MYH1: variants seen among roughly 807,000 people sequenced by gnomAD.
MYH1 encodes the protein myosin heavy chain 1.
A neutral mutation model predicts 225.6 loss-of-function variants in MYH1; 214 were observed. The ratio of observed to expected loss-of-function variants is 0.95; its 90% confidence interval spans 0.85 to 1.06. The LOEUF (loss-of-function observed/expected upper bound fraction) is 1.06, where lower values mean the gene tolerates loss of function less well. Among genes scored for constraint, MYH1 ranks in the 50% least tolerant of loss-of-function variants. The pLI is 0.00. For synonymous variants in MYH1, 774 were observed against 842.3 expected (o/e 0.92, Z 1.40); for missense variants, 2,098 against 2,344.2 (o/e 0.89, Z 2.17).
chr17:10,499,437 T>C lies in MYH1; in HGVS notation c.3866-345A>G, dbSNP rs80352653. 3.2e-3 allele frequency among the ~76,000 whole-genome samples: 485 copies of C among 152,326 alleles called. 2 individuals are homozygous for C. The highest frequency in any genetic ancestry group is 4.1e-3 in the Non-Finnish European group (281 of 68,034). ...TATTTTATGTAAGGCAGTAGTGTTG[T>C]CTAATTTGCCTTCCATTGAAAGTTG... On this transcript the variant is annotated intron_variant, in intron 28 of 39. Transcript: ENST00000226207.
chr17:10,493,243 A>G (rs1163108642), intron 39 of MYH1, among the ~76,000 whole-genome samples: 6 of 152,190 alleles, frequency 3.9e-5, no homozygotes, highest in Non-Finnish European at 8.8e-5. Flanking sequence ...CAGATGAGGA[A>G]AGTAGGAACT....
Position 10,516,424 on chromosome 17 carries a change from G to C in MYH1, c.204+15C>G, listed in dbSNP as rs892980064. 4.3e-6 allele frequency: 7 copies of C among 1,614,212 alleles called. No individual in the cohort carries two copies. The highest frequency in any genetic ancestry group is 5.9e-6 in the Non-Finnish European group (7 of 1,180,048). On this transcript the variant is annotated intron_variant, in intron 3 of 39. Transcript: ENST00000226207. ...ATGAGGCAGAGTCTAATCAGCTCCA[G>C]GTGTTTTTACTCACAGCTCCAGCTT...
intron 16 of MYH1, 70 bp downstream of exon 16, chr17:10,508,293 A>G: frequency 6.7e-7 from 1 of 1,498,344 alleles, no homozygotes; most frequent in East Asian, 2.3e-5. Flanking sequence ...TGCTGGGATT[A>G]CAGGCACCGT....
At chr17:10,498,878 C>T (rs1354834516) in intron 29 of MYH1, 56 bp from the exon 30 acceptor site, 2 of 1,608,168 alleles carry the variant, frequency 1.2e-6, no homozygotes, top group Non-Finnish European at 1.7e-6. Flanking sequence ...ATGTTTGATT[C>T]CTGATCTCCT....
chr17:10,505,985 C>T (rs1246204124), intron 18 of MYH1, 27 bp downstream of exon 18: 1 of 1,613,998 alleles, frequency 6.2e-7, no homozygotes, highest in African/African-American at 1.3e-5. Flanking sequence ...CACACTGGAG[C>T]TTGTCTGGAT....
chr17:10,511,363 C>A (rs2073168622), intron 14 of MYH1, among the ~76,000 whole-genome samples: 1 of 152,094 alleles, frequency 6.6e-6, no homozygotes, highest in Admixed American at 6.6e-5. Context: ...CAAACAGAAT[C>A]TCAAAGTCTT....
rs1176738984 is a variant in MYH1 at position 10,508,472 on chromosome 17, C to A, written c.1788G>T (p.Trp596Cys). 1.2e-6 allele frequency: 2 copies of A among 1,614,190 alleles called. No homozygotes were observed. Among genetic ancestry groups the A allele is most frequent in the Non-Finnish European group, 8.5e-7 (1 of 1,180,032 alleles). ...AGTVDYNIAG[W>C]LDKNKDPLNE... is the part of the protein sequence containing the mutation. The stretch of plus-strand genomic sequence containing the variant: ...TCAGGGGGTCCTTGTTCTTGTCAAG[C>A]CAGCCGGCAATGTTGTAGTCCACGG... The change falls in exon 16 of 40, where the codon TGG becomes TGT. Residue 596 changes from tryptophan to cysteine, a missense_variant. Trp to Cys is a radical substitution (Grantham distance 215). Coordinates refer to ENST00000226207, the MANE Select transcript of MYH1 (RefSeq NM_005963.4).
At position 10,506,042 on chromosome 17, in the gene MYH1, A is replaced by G; in HGVS notation, c.2026T>C (p.Cys676Arg). Reference protein sequence around the residue: ...LRSTHPHFVRCIIPNETKTPG... With the variant: ...LRSTHPHFVRRIIPNETKTPG... ...GTTTTAGTTTCATTGGGGATGATGC[A>G]CCGCACAAAGTGGGGGTGAGTGCTC... The change falls in exon 18 of 40, where the codon TGC becomes CGC. Residue 676 changes from cysteine (C) to arginine (R), a missense_variant. Physicochemically the swap from Cys to Arg is radical, Grantham distance 180. Transcript: ENST00000226207. The G allele has an allele frequency of 6.2e-7, 1 of 1,614,196 alleles. No homozygotes were observed. The highest frequency in any genetic ancestry group is 1.1e-5 in the South Asian group (1 of 91,078).
intron 9 of MYH1, 102 bp downstream of exon 9, chr17:10,513,524 A>G: frequency 8.8e-7 from 1 of 1,134,316 alleles, no homozygotes. Flanking sequence ...TTGGCAGCAG[A>G]CTGGTGCTTT....
Position 10,501,138 on chromosome 17 carries a change from C to T in MYH1, c.3710G>A (p.Ser1237Asn). The T allele has an allele frequency of 9.3e-6, 15 of 1,614,138 alleles. No individual in the cohort carries two copies. The highest frequency in any genetic ancestry group is 1.3e-5 in the Non-Finnish European group (15 of 1,179,968). Residue 1237 changes from serine to asparagine, a missense_variant, in exon 27 of 40, where the codon AGT (serine) becomes AAT (asparagine). Ser to Asn is a conservative substitution (Grantham distance 46). Transcript: ENST00000226207. ...EMKMEIDDLA[S>N]NMETVSKAKG... The stretch of plus-strand genomic sequence containing the variant: ...GGCTTTGGAGACAGTCTCCATGTTA[C>T]TAGCAAGGTCATCGATCTCCATCTT...
At position 10,516,677 on chromosome 17, in the gene MYH1, C is replaced by A; in HGVS notation, c.-35G>T. The A allele has an allele frequency of 1.9e-6, 3 of 1,611,074 alleles. 1 individual carries two copies. The highest frequency in any genetic ancestry group is 2.2e-5 in the South Asian group (2 of 90,934). Reference sequence around the variant, plus strand: ...TTATTGATGGTAGCCCAGTTAAGGACCCTGGCTGGGAGAGGAAGAAAAGAA... The same window carrying A: ...TTATTGATGGTAGCCCAGTTAAGGAACCTGGCTGGGAGAGGAAGAAAAGAA... On this transcript the variant is annotated 5_prime_UTR_variant, in exon 3 of 40. Coordinates refer to ENST00000226207, the MANE Select transcript of MYH1 (RefSeq NM_005963.4).
chr17:10,505,006 G>T lies in MYH1; in HGVS notation c.2495C>A (p.Pro832His). Reference sequence around the variant, plus strand: ...GATCTTGAAATACAGCTTCATCCAGGGCCAGTGCTTCACATTCATGAAGGC... The same window carrying T: ...GATCTTGAAATACAGCTTCATCCAGTGCCAGTGCTTCACATTCATGAAGGC... ...VRAFMNVKHW[P>H]WMKLYFKIKP... The change falls in exon 22 of 40, where the codon CCC (proline) becomes CAC (histidine). Residue 832 changes from proline to histidine, a missense_variant. Pro to His is a moderately conservative substitution (Grantham distance 77). Transcript: ENST00000226207. The T allele has an allele frequency of 2.5e-6, 4 of 1,614,006 alleles. No individual in the cohort carries two copies. Among genetic ancestry groups the T allele is most frequent in the Non-Finnish European group, 3.4e-6 (4 of 1,180,024 alleles).
chr17:10,498,389 T>A (rs1002210335), intron 30 of MYH1, among the ~76,000 whole-genome samples: 6 of 152,240 alleles, frequency 3.9e-5, no homozygotes, highest in African/African-American at 1.4e-4. Flanking sequence ...GTCTGTCTAA[T>A]TGTATCCCTT....
At chr17:10,501,728 T>C in intron 25 of MYH1, 38 bp downstream of exon 25, 1 of 1,613,952 alleles carries the variant, frequency 6.2e-7, no homozygotes, top group Non-Finnish European at 8.5e-7. Flanking sequence ...ATATTAAGAG[T>C]AATTTCCCCA....
intron 14 of MYH1, among the ~76,000 whole-genome samples, chr17:10,510,424 G>C (rs1249505662): frequency 6.6e-6 from 1 of 152,152 alleles, no homozygotes; most frequent in Non-Finnish European, 1.5e-5. Context: ...CATGGGTGAG[G>C]AAACACTATT....
intron 14 of MYH1, 65 bp from the exon 15 acceptor site, chr17:10,509,720 GT>G (rs2073153486): frequency 1.9e-6 from 3 of 1,613,352 alleles, no homozygotes; most frequent in East Asian, 2.2e-5. Context: ...TGAAAGGGGT[GT>G]TTTTTTAGTT....
chr17:10,501,139 T>C lies in MYH1; in HGVS notation c.3709A>G (p.Ser1237Gly), dbSNP rs1007631423. 6.2e-7 allele frequency: 1 copy of C among 1,614,144 alleles called. No homozygotes were observed. ...GCTTTGGAGACAGTCTCCATGTTAC[T>C]AGCAAGGTCATCGATCTCCATCTTC... ...EMKMEIDDLA[S>G]NMETVSKAKG... The change falls in exon 27 of 40, where the codon AGT becomes GGT. Residue 1237 changes from serine (S) to glycine (G), a missense_variant. By Grantham distance (56) the Ser-to-Gly change is moderately conservative. Transcript: ENST00000226207.
intron 39 of MYH1, among the ~76,000 whole-genome samples, chr17:10,492,851 T>A (rs1051521543): frequency 1.3e-5 from 2 of 150,926 alleles, no homozygotes; most frequent in Admixed American, 6.6e-5. Context: ...GCTTTGTTTT[T>A]TTTTTTGTTT....
chr17:10,515,820 C>T, intron 5 of MYH1, 106 bp downstream of exon 5: 11 of 1,574,254 alleles, frequency 7.0e-6, no homozygotes, highest in East Asian at 2.2e-5. Flanking sequence ...TGCTGAACAA[C>T]CAGGGGCGTG....
Sources: gnomAD v4.1 joint callset for allele counts (sites outside exome capture counted in the v4.1 genomes callset) on GRCh38, gnomAD v4.1.1 for gene constraint, MANE v1.5 for transcripts, NCBI Gene and HGNC (gene_info 2026-07-23, HGNC 2026-07-21) for gene names.